The following MLIP variants were observed in gnomAD, a reference collection of about 807,000 sequenced individuals.
MLIP encodes the protein muscular LMNA interacting protein, also known as muscular LMNA-interacting protein.
In MLIP, 79 loss-of-function variants were observed where a neutral mutation model predicts 84.8. The observed-to-expected ratio is 0.93, with a 90% CI of 0.78 to 1.12. The LOEUF (loss-of-function observed/expected upper bound fraction) is 1.12. Among genes scored for constraint, MLIP ranks in the 50% most tolerant of loss-of-function variants. The probability of loss-of-function intolerance (pLI) is 0.00; values close to 1 mark genes in which losing one functional copy is unlikely to be tolerated. For missense variants in MLIP, 1,257 were observed against 1,160.6 expected, an observed-to-expected ratio of 1.08 and a Z score of -1.21; for synonymous variants, 504 against 463.0, an observed-to-expected ratio of 1.09 and a Z score of -1.14.
chr6:54,216,876 G>A (rs1226106795), intron 11 of MLIP: 1 of 985,186 alleles, frequency 1.0e-6, no homozygotes, highest in Non-Finnish European at 1.2e-6. Context: ...AGGTTTTTGT[G>A]ATGCTGTCTG....
intron 4 of MLIP, among the ~76,000 whole-genome samples, 187 bp from the exon 5 acceptor site, chr6:54,148,869 C>T (rs967355233): frequency 6.6e-6 from 1 of 152,090 alleles, no homozygotes; most frequent in Admixed American, 6.6e-5. Flanking sequence ...GGCATTTCTT[C>T]GCTTCTCATT....
intron 12 of MLIP, among the ~76,000 whole-genome samples, chr6:54,251,441 C>CAT (rs148476876): frequency 0.057 from 5,089 of 88,622 alleles, 313 homozygotes; most frequent in East Asian, 0.077. Flanking sequence ...TGAAACAAGC[C>CAT]ATATATATAT....
chr6:54,158,134 C>A (rs1391534484), intron 5 of MLIP, among the ~76,000 whole-genome samples: 1 of 151,986 alleles, frequency 6.6e-6, no homozygotes, highest in Non-Finnish European at 1.5e-5. Context: ...GGATGGAGAT[C>A]CCTGGTTGTT....
At chr6:54,022,905 T>C (rs900793937) in intron 1 of MLIP, among the ~76,000 whole-genome samples, 4 of 151,994 alleles carry the variant, frequency 2.6e-5, no homozygotes, top group African/African-American at 9.7e-5. Flanking sequence ...CGGTGGCTCA[T>C]GCCTGTAATC....
intron 4 of MLIP, among the ~76,000 whole-genome samples, chr6:54,145,988 C>CT (rs1772792162): frequency 6.6e-6 from 1 of 152,022 alleles, no homozygotes; most frequent in South Asian, 2.1e-4. Flanking sequence ...ATGAAATAAT[C>CT]TAAAATTTCT....
At chr6:54,166,919 T>C (rs1405588002) in intron 8 of MLIP, among the ~76,000 whole-genome samples, 1 of 151,966 alleles carries the variant, frequency 6.6e-6, no homozygotes, top group Non-Finnish European at 1.5e-5. Flanking sequence ...CTCATCTCTG[T>C]TGGTAGAATT....
At chr6:54,217,768 T>C (rs1779949771) in intron 11 of MLIP, 1 of 985,120 alleles carries the variant, frequency 1.0e-6, no homozygotes, top group African/African-American at 1.7e-5. Context: ...CCTATCTCAT[T>C]GATAGAAACA....
intron 13 of MLIP, among the ~76,000 whole-genome samples, chr6:54,260,716 G>A (rs1202662119): frequency 2.0e-5 from 3 of 151,964 alleles, no homozygotes; most frequent in Middle Eastern, 3.2e-3. Context: ...TTAATTTGTG[G>A]TAGATTAATT....
rs180955680 is a variant in MLIP at position 54,091,735 on chromosome 6, T to C, written c.64-29712T>C. On this transcript the variant is annotated intron_variant, in intron 1 of 12. Coordinates refer to the MLIP transcript ENST00000274897. ...GCTCAGCCACAGTTCCTAGGATCTA[T>C]TGTCATGATCCTTCTAAACCCTAGG... Among the ~76,000 whole-genome samples the C allele has an allele frequency of 1.0e-3, 159 of 152,320 alleles. No individual in the cohort carries two copies. The Middle Eastern group carries it at 0.017, about 16-fold the overall frequency.
At chr6:54,162,980 G>A (rs1774808041) in intron 8 of MLIP, among the ~76,000 whole-genome samples, 1 of 151,954 alleles carries the variant, frequency 6.6e-6, no homozygotes, top group Non-Finnish European at 1.5e-5. Flanking sequence ...TAAGAAGAGA[G>A]TGTTTGCGAA....
intron 12 of MLIP, among the ~76,000 whole-genome samples, chr6:54,251,441 C>CATATATATATATATATATATATATAT (rs148476876): frequency 1.8e-4 from 16 of 88,914 alleles, no homozygotes; most frequent in African/African-American, 7.8e-4. Flanking sequence ...TGAAACAAGC[C>CATATATATATATATATATATATATAT]ATATATATAT....
chr6:54,093,246 A>G (rs1343324485), intron 1 of MLIP, among the ~76,000 whole-genome samples: 1 of 152,054 alleles, frequency 6.6e-6, no homozygotes, highest in Non-Finnish European at 1.5e-5. Context: ...AAATTTGTGA[A>G]CCACAAATAC....
chr6:54,181,908 T>C (rs543226659), intron 9 of MLIP, among the ~76,000 whole-genome samples: 1 of 152,312 alleles, frequency 6.6e-6, no homozygotes, highest in South Asian at 2.1e-4. Context: ...TCTTTACTCT[T>C]CATTCTCCTC....
intron 4 of MLIP, among the ~76,000 whole-genome samples, chr6:54,147,227 A>G (rs1204622976): frequency 6.6e-6 from 1 of 152,180 alleles, no homozygotes; most frequent in Non-Finnish European, 1.5e-5. Flanking sequence ...TATATTGGAC[A>G]CAGGCAGGCT....
intron 1 of MLIP, among the ~76,000 whole-genome samples, chr6:54,049,273 C>T (rs747988610): frequency 2.0e-5 from 3 of 152,050 alleles, no homozygotes; most frequent in Non-Finnish European, 4.4e-5. Flanking sequence ...TTCCAACATA[C>T]AGTAATGGCT....
At chr6:54,179,397 A>T (rs1254586182) in intron 9 of MLIP, among the ~76,000 whole-genome samples, 1 of 152,066 alleles carries the variant, frequency 6.6e-6, no homozygotes, top group African/African-American at 2.4e-5. Context: ...TCACACATTG[A>T]ATGATATTAT....
intron 1 of MLIP, among the ~76,000 whole-genome samples, chr6:54,096,834 A>C (rs1471168596): frequency 6.6e-6 from 1 of 152,202 alleles, no homozygotes; most frequent in Non-Finnish European, 1.5e-5. Flanking sequence ...GGACTATTCT[A>C]TGTGGGTCAT....
chr6:54,208,104 G>C (rs1194219475), intron 11 of MLIP, among the ~76,000 whole-genome samples: 1 of 151,828 alleles, frequency 6.6e-6, no homozygotes, highest in South Asian at 2.1e-4. Context: ...CTCCAGGCTG[G>C]GCAACAGAGC....
chr6:54,144,392 A>G (rs576388769), intron 4 of MLIP, among the ~76,000 whole-genome samples: 4 of 152,226 alleles, frequency 2.6e-5, no homozygotes, highest in African/African-American at 9.6e-5. Flanking sequence ...AGTTTCTTGC[A>G]TTTACTGCAC....
Sources: gnomAD v4.1 joint callset for allele counts (sites outside exome capture counted in the v4.1 genomes callset) on GRCh38, gnomAD v4.1.1 for gene constraint, MANE v1.5 for transcripts, NCBI Gene and HGNC (gene_info 2026-07-23, HGNC 2026-07-21) for gene names.